The following TENM4 variants were observed in gnomAD, a reference collection of about 807,000 sequenced individuals.
TENM4 encodes teneurin-4.
In TENM4, 82 loss-of-function variants were observed where a neutral mutation model predicts 243.3. The ratio of observed to expected loss-of-function variants is 0.34; its 90% confidence interval spans 0.28 to 0.40. The LOEUF (loss-of-function observed/expected upper bound fraction) is 0.40, where lower values mean the gene tolerates loss of function less well. Ranked by LOEUF, TENM4 falls within the 10% of genes least tolerant of loss-of-function variation. The probability of loss-of-function intolerance (pLI) is 1.00; values close to 1 mark genes in which losing one functional copy is unlikely to be tolerated. For synonymous variants in TENM4, 1,412 were observed against 1,456.3 expected (o/e 0.97, Z 0.69); for missense variants, 3,138 against 3,673.3 (o/e 0.85, Z 3.77).
intron 4 of TENM4, among the ~76,000 whole-genome samples, chr11:79,104,878 T>C (rs1049120433): frequency 3.3e-5 from 5 of 152,236 alleles, no homozygotes; most frequent in African/African-American, 1.2e-4. Flanking sequence ...TCTCCATCCC[T>C]TGGGCAAATA....
In TENM4 at chr11:78,674,012, G is replaced by A. The variant is rs142317177; in HGVS notation, c.5497-1683C>T. ...CAGGGCACAGGAAGATACAGGGGCT[G>A]TGCCACCAACAATGACAGAGGCCTT... On this transcript the variant is annotated intron_variant, in intron 30 of 33. Coordinates refer to ENST00000278550, the MANE Select transcript of TENM4 (RefSeq NM_001098816.3). 7.8e-3 allele frequency among the ~76,000 whole-genome samples: 1,185 copies of A among 152,244 alleles called. 16 individuals carry two copies. Among genetic ancestry groups the A allele is most frequent in the Middle Eastern group, 0.02 (6 of 294 alleles).
intron 1 of TENM4, among the ~76,000 whole-genome samples, chr11:79,358,866 A>G (rs927459477): frequency 7.2e-5 from 11 of 152,102 alleles, no homozygotes; most frequent in African/African-American, 2.4e-4. Flanking sequence ...GCACGGAGCT[A>G]GATACTGATG....
intron 4 of TENM4, among the ~76,000 whole-genome samples, chr11:79,128,653 C>T (rs542750038): frequency 6.6e-6 from 1 of 152,306 alleles, no homozygotes; most frequent in East Asian, 1.9e-4. Flanking sequence ...TGGACAGCTG[C>T]AGCACTACAG....
chr11:78,976,814 T>C (rs1857667946), intron 6 of TENM4, among the ~76,000 whole-genome samples: 1 of 152,148 alleles, frequency 6.6e-6, no homozygotes, highest in African/African-American at 2.4e-5. Context: ...TTTTTGATCC[T>C]AAATTGCACT....
intron 6 of TENM4, among the ~76,000 whole-genome samples, chr11:78,947,476 A>T (rs1457380689): frequency 6.6e-6 from 1 of 152,220 alleles, no homozygotes; most frequent in African/African-American, 2.4e-5. Flanking sequence ...GGAGACAGAC[A>T]AGACTTTATT....
chr11:79,081,335 G>T (rs1860666723), intron 4 of TENM4, among the ~76,000 whole-genome samples: 1 of 152,096 alleles, frequency 6.6e-6, no homozygotes, highest in Non-Finnish European at 1.5e-5. Context: ...GGCTTCTCCG[G>T]GTGCCATCAA....
chr11:79,259,638 CATCCATCCATCCATCCATCT>C (rs1855760390), intron 2 of TENM4, among the ~76,000 whole-genome samples: 1 of 133,534 alleles, frequency 7.5e-6, no homozygotes, highest in South Asian at 2.6e-4. Context: ...TCCACTCCCC[CATCCATCCATCCATCCATCT>C]ATCCATCCAT....
At chr11:78,999,028 C>T (rs1858247380) in intron 6 of TENM4, among the ~76,000 whole-genome samples, 2 of 152,198 alleles carry the variant, frequency 1.3e-5, no homozygotes, top group Non-Finnish European at 2.9e-5. Flanking sequence ...TCTCCATTGG[C>T]AGAACATCTG....
At chr11:78,750,849 TTGTGTGTGTG>T (rs72172542) in intron 19 of TENM4, among the ~76,000 whole-genome samples, 4 of 145,776 alleles carry the variant, frequency 2.7e-5, no homozygotes, top group South Asian at 2.3e-4. Flanking sequence ...CAAATGAGGC[TTGTGTGTGTG>T]TGTGTGTGTG....
chr11:78,835,957 A>T (rs966764040), intron 12 of TENM4, among the ~76,000 whole-genome samples: 1 of 152,218 alleles, frequency 6.6e-6, no homozygotes. Context: ...AGAAACACAT[A>T]CCGAATAAAC....
intron 6 of TENM4, among the ~76,000 whole-genome samples, chr11:78,960,223 C>T (rs1330501534): frequency 6.6e-6 from 1 of 151,940 alleles, no homozygotes; most frequent in Non-Finnish European, 1.5e-5. Flanking sequence ...GGAGTAGGGA[C>T]ATTGAACCAC....
chr11:79,275,443 G>T (rs1223852537), intron 2 of TENM4, among the ~76,000 whole-genome samples: 1 of 152,210 alleles, frequency 6.6e-6, no homozygotes, highest in Non-Finnish European at 1.5e-5. Flanking sequence ...CCAGAAATGC[G>T]CTTTGCACTC....
intron 3 of TENM4, among the ~76,000 whole-genome samples, chr11:79,212,128 A>G (rs1204825819): frequency 6.6e-6 from 1 of 152,200 alleles, no homozygotes; most frequent in Non-Finnish European, 1.5e-5. Flanking sequence ...TTAAAAGACC[A>G]CCTTGCAAGG....
intron 12 of TENM4, among the ~76,000 whole-genome samples, chr11:78,853,174 C>A (rs1487359067): frequency 6.6e-6 from 1 of 152,146 alleles, no homozygotes; most frequent in African/African-American, 2.4e-5. Context: ...AGCAGAAACC[C>A]CATTCCCAGG....
intron 6 of TENM4, among the ~76,000 whole-genome samples, chr11:79,024,039 C>A (rs1005611713): frequency 1.3e-5 from 2 of 152,202 alleles, no homozygotes; most frequent in African/African-American, 4.8e-5. Flanking sequence ...AATTAAGATT[C>A]AACCTGATCT....
At chr11:79,114,649 G>C (rs1032899418) in intron 4 of TENM4, among the ~76,000 whole-genome samples, 22 of 152,346 alleles carry the variant, frequency 1.4e-4, no homozygotes, top group Admixed American at 1.4e-3. Context: ...GCTCTGCCAT[G>C]ACTGTCTTGA....
chr11:78,901,730 G>A (rs1855932842), intron 7 of TENM4, among the ~76,000 whole-genome samples: 2 of 152,208 alleles, frequency 1.3e-5, no homozygotes, highest in East Asian at 1.9e-4. Flanking sequence ...GCTACCCTGG[G>A]CAGGCTGACA....
At chr11:79,069,392 G>A (rs1282263818) in intron 5 of TENM4, among the ~76,000 whole-genome samples, 3 of 152,116 alleles carry the variant, frequency 2.0e-5, no homozygotes, top group Admixed American at 2.0e-4. Context: ...GGCTTCTCAC[G>A]GCCATGTAAC....
chr11:79,053,210 C>T (rs1279647529), intron 6 of TENM4, among the ~76,000 whole-genome samples: 1 of 152,174 alleles, frequency 6.6e-6, no homozygotes, highest in Non-Finnish European at 1.5e-5. Flanking sequence ...AGGTTCTTGA[C>T]AAGTTCATGG....
Sources: allele counts gnomAD v4.1 joint callset (sites outside exome capture counted in the v4.1 genomes callset), GRCh38; gene constraint gnomAD v4.1.1; transcripts MANE v1.5; gene names NCBI Gene and HGNC (gene_info 2026-07-23, HGNC 2026-07-21).